ENTREP2: variants seen among roughly 807,000 people sequenced by gnomAD.
ENTREP2 encodes protein ENTREP2.
the ENTREP2 span, among the ~76,000 whole-genome samples, chr15:29,170,693 A>C: frequency 6.6e-6 from 1 of 152,194 alleles, no homozygotes; most frequent in African/African-American, 2.4e-5. Flanking sequence ...ATGTGAGGAC[A>C]CAGTGACAAG....
chr15:29,249,991 C>T, the ENTREP2 span, among the ~76,000 whole-genome samples: 5 of 152,060 alleles, frequency 3.3e-5, no homozygotes, highest in Admixed American at 1.3e-4. Context: ...AGGGCAGCAC[C>T]GAGGGAATGG....
the ENTREP2 span, among the ~76,000 whole-genome samples, chr15:29,516,071 A>G: frequency 2.0e-5 from 3 of 152,176 alleles, no homozygotes; most frequent in Admixed American, 2.0e-4. Context: ...ATGTTGCTGC[A>G]TATTAGGATT....
At chr15:29,187,324 G>A in the ENTREP2 span, among the ~76,000 whole-genome samples, 3 of 151,874 alleles carry the variant, frequency 2.0e-5, no homozygotes, top group Middle Eastern at 3.4e-3. Flanking sequence ...CATCCAGGCT[G>A]GAGTGCAGTG....
At chr15:29,368,527 AC>A in the ENTREP2 span, among the ~76,000 whole-genome samples, 191 of 152,152 alleles carry the variant, frequency 1.3e-3, 1 homozygote, top group Non-Finnish European at 2.3e-3. Flanking sequence ...GAAAAAGATG[AC>A]AATGATATCT....
the ENTREP2 span, among the ~76,000 whole-genome samples, chr15:29,345,410 G>C: frequency 2.0e-4 from 30 of 152,042 alleles, no homozygotes; most frequent in African/African-American, 7.2e-4. Flanking sequence ...CCTGGGGTGG[G>C]GTAGACAGGG....
At chr15:29,473,165 G>A in the ENTREP2 span, among the ~76,000 whole-genome samples, 1 of 152,092 alleles carries the variant, frequency 6.6e-6, no homozygotes, top group Non-Finnish European at 1.5e-5. Context: ...AGGAGCAGGT[G>A]GCCCAGCTTC....
chr15:29,388,168 C>A, the ENTREP2 span, among the ~76,000 whole-genome samples: 1 of 152,178 alleles, frequency 6.6e-6, no homozygotes, highest in Non-Finnish European at 1.5e-5. Flanking sequence ...AAACTACCAT[C>A]AGAGTGAACA....
At chr15:29,612,418 C>G in the ENTREP2 span, among the ~76,000 whole-genome samples, 1 of 151,984 alleles carries the variant, frequency 6.6e-6, no homozygotes, top group South Asian at 2.1e-4. Context: ...CCAGCGTGGC[C>G]CCTCTTAGAA....
At chr15:29,479,600 A>G in the ENTREP2 span, among the ~76,000 whole-genome samples, 1 of 141,698 alleles carries the variant, frequency 7.1e-6, no homozygotes, top group East Asian at 2.1e-4. Flanking sequence ...CTTTGGCTGC[A>G]ATTCTCTCTC....
chr15:29,655,891 G>A, the ENTREP2 span, among the ~76,000 whole-genome samples: 2 of 151,976 alleles, frequency 1.3e-5, no homozygotes, highest in South Asian at 4.2e-4. Context: ...TGGGTGCAGC[G>A]GTGCATGCCT....
the ENTREP2 span, among the ~76,000 whole-genome samples, chr15:29,451,261 G>A: frequency 6.6e-6 from 1 of 152,132 alleles, no homozygotes; most frequent in Non-Finnish European, 1.5e-5. Context: ...GATGGGGGGT[G>A]GCAGCTCTCT....
At chr15:29,362,349 G>A in the ENTREP2 span, among the ~76,000 whole-genome samples, 1 of 135,708 alleles carries the variant, frequency 7.4e-6, no homozygotes, top group Non-Finnish European at 1.6e-5. Context: ...GGGTATCTTT[G>A]TCTACCTTGT....
chr15:29,345,985 G>C, the ENTREP2 span, among the ~76,000 whole-genome samples: 62,749 of 152,086 alleles, frequency 0.41, 17,917 homozygotes, highest in African/African-American at 0.82. Context: ...ATTACTATGA[G>C]TTTGTTTTCC....
chr15:29,221,111 C>G, the ENTREP2 span, among the ~76,000 whole-genome samples: 1 of 152,134 alleles, frequency 6.6e-6, no homozygotes, highest in Admixed American at 6.5e-5. Flanking sequence ...AAGCCAGAAT[C>G]TGGAGTTCTC....
chr15:29,523,990 GC>G, the ENTREP2 span, among the ~76,000 whole-genome samples: 1 of 152,092 alleles, frequency 6.6e-6, no homozygotes, highest in Non-Finnish European at 1.5e-5. Context: ...TGTTTTCTTA[GC>G]TATGATACCA....
the ENTREP2 span, among the ~76,000 whole-genome samples, chr15:29,469,571 C>T: frequency 2.4e-3 from 370 of 151,942 alleles, 1 homozygote; most frequent in African/African-American, 7.8e-3. Context: ...GTTGCCATGG[C>T]GGGGGAGGGG....
chr15:29,138,611 T>C, the ENTREP2 span, among the ~76,000 whole-genome samples: 1 of 151,598 alleles, frequency 6.6e-6, no homozygotes, highest in South Asian at 2.1e-4. Context: ...ATGTGTGTGT[T>C]TGTATGTATG....
chr15:29,591,377 G>C, the ENTREP2 span, among the ~76,000 whole-genome samples: 1 of 152,172 alleles, frequency 6.6e-6, no homozygotes, highest in Admixed American at 6.5e-5. Flanking sequence ...CCCAAAAGGA[G>C]TGACTTATTT....
chr15:29,342,432 C>T, the ENTREP2 span, among the ~76,000 whole-genome samples: 2 of 152,214 alleles, frequency 1.3e-5, no homozygotes, highest in African/African-American at 4.8e-5. Flanking sequence ...TCTTCTGCAT[C>T]ACATGCCATA....
Sources: allele counts gnomAD v4.1 joint callset (sites outside exome capture counted in the v4.1 genomes callset), GRCh38; gene constraint gnomAD v4.1.1; transcripts MANE v1.5; gene names NCBI Gene and HGNC (gene_info 2026-07-23, HGNC 2026-07-21).